PARN: variants seen among roughly 807,000 people sequenced by gnomAD.
The protein encoded by PARN is poly(A)-specific ribonuclease PARN.
In PARN, 71 loss-of-function variants were observed where a neutral mutation model predicts 102.8. The observed-to-expected ratio is 0.69, with a 90% CI of 0.57 to 0.84. PARN has a LOEUF of 0.84. Among genes scored for constraint, PARN ranks in the 40% least tolerant of loss-of-function variants. PARN has a pLI of 0.00. For synonymous variants in PARN, 261 were observed against 252.9 expected (o/e 1.03, Z -0.30); for missense variants, 782 against 760.9 (o/e 1.03, Z -0.33).
chr16:14,467,700 G>T (rs1962446621), intron 22 of PARN, among the ~76,000 whole-genome samples: 1 of 152,190 alleles, frequency 6.6e-6, no homozygotes, highest in African/African-American at 2.4e-5. Flanking sequence ...ACCTTCAGGT[G>T]GCTCTTTCAG....
intron 12 of PARN, among the ~76,000 whole-genome samples, chr16:14,597,793 G>C (rs183844705): frequency 1.7e-4 from 26 of 152,064 alleles, no homozygotes; most frequent in Admixed American, 1.4e-3. Flanking sequence ...GAAAATGTGA[G>C]ACAAATTCCA....
chr16:14,600,381 G>C (rs745534112), intron 11 of PARN, among the ~76,000 whole-genome samples: 1 of 152,084 alleles, frequency 6.6e-6, no homozygotes, highest in Non-Finnish European at 1.5e-5. Context: ...CATAATTCCT[G>C]ATTTTTTTTC....
chr16:14,450,645 A>G (rs1961408146), intron 22 of PARN, among the ~76,000 whole-genome samples: 1 of 152,196 alleles, frequency 6.6e-6, no homozygotes, highest in African/African-American at 2.4e-5. Context: ...CCAGAGTAGC[A>G]ATGAGCATAT....
Position 14,611,233 on chromosome 16 carries a change from T to C in PARN, c.389-424A>G, listed in dbSNP as rs181705368. Among the ~76,000 whole-genome samples the C allele has an allele frequency of 3.2e-4, 48 of 152,308 alleles. No homozygotes were observed. In the Middle Eastern group the frequency reaches 0.01, roughly 32 times the overall value. On this transcript the variant is annotated intron_variant, in intron 6 of 23. Transcript: ENST00000437198. ...TTAATACCCAGAACATGGAAATGGC[T>C]TGGACGGTTCCAGGAGCAGCAAGGA...
chr16:14,498,666 C>T (rs970833191), intron 21 of PARN, among the ~76,000 whole-genome samples: 1 of 152,146 alleles, frequency 6.6e-6, no homozygotes, highest in African/African-American at 2.4e-5. Context: ...TGTGCCTGTG[C>T]TTCCCATCCT....
At chr16:14,625,507 A>T (rs1166566584) in intron 5 of PARN, among the ~76,000 whole-genome samples, 1 of 152,230 alleles carries the variant, frequency 6.6e-6, no homozygotes, top group African/African-American at 2.4e-5. Context: ...CAAGAAAAAA[A>T]AGAAAAGAAA....
intron 18 of PARN, among the ~76,000 whole-genome samples, chr16:14,563,212 G>A (rs934025049): frequency 6.6e-6 from 1 of 152,158 alleles, no homozygotes. Context: ...ACTTAGTTTT[G>A]CTCCTGAGGC....
At chr16:14,559,282 T>C (rs1967903836) in intron 18 of PARN, among the ~76,000 whole-genome samples, 1 of 152,008 alleles carries the variant, frequency 6.6e-6, no homozygotes, top group Non-Finnish European at 1.5e-5. Flanking sequence ...TTGAAAAAAT[T>C]TTTTTGAAAA....
At chr16:14,572,237 G>A (rs1451734673) in intron 18 of PARN, among the ~76,000 whole-genome samples, 1 of 152,142 alleles carries the variant, frequency 6.6e-6, no homozygotes, top group Non-Finnish European at 1.5e-5. Context: ...AACCCACTGC[G>A]ACCCTGCACG....
At chr16:14,469,708 CA>C (rs113317045) in intron 22 of PARN, among the ~76,000 whole-genome samples, 25,385 of 135,170 alleles carry the variant, frequency 0.19, 2,360 homozygotes, top group Middle Eastern at 0.27. Context: ...CATAAAGTGT[CA>C]AAAAAAAAAA....
At chr16:14,587,429 T>C (rs1290290571) in intron 13 of PARN, among the ~76,000 whole-genome samples, 2 of 152,236 alleles carry the variant, frequency 1.3e-5, no homozygotes, top group African/African-American at 4.8e-5. Context: ...CACTCTCCTC[T>C]AAAAGGCAAC....
chr16:14,584,212 C>G (rs1031384128), intron 16 of PARN, 135 bp downstream of exon 16: 3 of 553,694 alleles, frequency 5.4e-6, no homozygotes, highest in Non-Finnish European at 6.5e-6. Flanking sequence ...ATTCAACACA[C>G]GGTACGTGCA....
chr16:14,594,742 A>G (rs1970402011), intron 12 of PARN, among the ~76,000 whole-genome samples: 1 of 152,168 alleles, frequency 6.6e-6, no homozygotes, highest in Non-Finnish European at 1.5e-5. Flanking sequence ...ACCACGATGG[A>G]GCTTTTACTA....
chr16:14,563,479 TGTG>T (rs1968212964), intron 18 of PARN, among the ~76,000 whole-genome samples: 1 of 1,084 alleles, frequency 9.2e-4, no homozygotes, highest in Non-Finnish European at 1.7e-3. Context: ...AATTCCTTTG[TGTG>T]TGTGTGTGTG....
chr16:14,495,710 T>C lies in PARN; in HGVS notation c.1481-12883A>G, dbSNP rs542683186. Among the ~76,000 whole-genome samples, 21 of 152,228 alleles carry C rather than the reference T, an allele frequency of 1.4e-4. No individual in the cohort carries two copies. The South Asian group carries it at 4.2e-3, about 30-fold the overall frequency. On this transcript the variant is annotated intron_variant, in intron 21 of 23. Coordinates refer to ENST00000437198, the MANE Select transcript of PARN (RefSeq NM_002582.4). ...CGAGCTGGGGTTGTGGGAGTTCTTTTGAACAGGTGGAAGGAATTCTGCCCA... is the reference window on the plus strand; with the variant it reads ...CGAGCTGGGGTTGTGGGAGTTCTTTCGAACAGGTGGAAGGAATTCTGCCCA...
At chr16:14,438,046 C>T (rs770948046) in intron 23 of PARN, among the ~76,000 whole-genome samples, 4 of 152,234 alleles carry the variant, frequency 2.6e-5, no homozygotes, top group East Asian at 1.9e-4. Flanking sequence ...TGAACAGGCA[C>T]GTTCTGGGAC....
At chr16:14,461,725 A>T (rs1961991272) in intron 22 of PARN, among the ~76,000 whole-genome samples, 1 of 152,134 alleles carries the variant, frequency 6.6e-6, no homozygotes, top group African/African-American at 2.4e-5. Flanking sequence ...TTTGATTTGA[A>T]TTTCACTTCC....
intron 18 of PARN, among the ~76,000 whole-genome samples, chr16:14,566,147 G>A (rs1171075942): frequency 1.3e-5 from 2 of 152,238 alleles, no homozygotes; most frequent in East Asian, 1.9e-4. Context: ...CTACTCCCTG[G>A]AACCTCTGAG....
At chr16:14,515,744 TG>T (rs1426303618) in intron 21 of PARN, among the ~76,000 whole-genome samples, 2 of 151,070 alleles carry the variant, frequency 1.3e-5, no homozygotes, top group Non-Finnish European at 2.9e-5. Flanking sequence ...AAGGCCAGCC[TG>T]GGCAATACAG....
Sources: gnomAD v4.1 joint callset for allele counts (sites outside exome capture counted in the v4.1 genomes callset) on GRCh38, gnomAD v4.1.1 for gene constraint, MANE v1.5 for transcripts, NCBI Gene and HGNC (gene_info 2026-07-23, HGNC 2026-07-21) for gene names.